The following CELF2 variants were observed in gnomAD, a reference collection of about 807,000 sequenced individuals.
CELF2 encodes the protein CUG triplet repeat RNA-binding protein 2.
Under a neutral mutation model 62.6 loss-of-function variants are expected in CELF2, and 8 were observed. That is an observed-to-expected ratio of 0.13 (90% CI 0.07 to 0.23). The LOEUF is 0.23. CELF2 is among the 10% of genes least tolerant of loss of function. The pLI is 1.00. For synonymous variants in CELF2, 258 were observed against 250.0 expected, an observed-to-expected ratio of 1.03 and a Z score of -0.30; for missense variants, 333 against 671.0, an observed-to-expected ratio of 0.50 and a Z score of 5.56.
chr10:10,484,356 A>G, the CELF2 span, among the ~76,000 whole-genome samples: 2 of 86,362 alleles, frequency 2.3e-5, no homozygotes, highest in Admixed American at 3.0e-4. Context: ...TCACTCTGTC[A>G]CCCAGGCTGG....
Position 11,175,243 on chromosome 10 carries a change from A to G in CELF2, c.271+9561A>G, listed in dbSNP as rs183125887. ...TGGAGGAGTTCCAAGGGAGAGCAGC[A>G]TGAATCGCAAAGGTCCGGGAAGGTG... On this transcript the variant is annotated intron_variant, in intron 2 of 12. Coordinates refer to ENST00000633077, the MANE Select transcript of CELF2 (RefSeq NM_001326342.2). 2.5e-3 allele frequency among the ~76,000 whole-genome samples: 384 copies of G among 152,308 alleles called. 13 individuals are homozygous for G. The highest frequency in any genetic ancestry group is 3.4e-3 in the Middle Eastern group (1 of 294).
At chr10:11,152,431 T>G (rs1278992628) in intron 1 of CELF2, among the ~76,000 whole-genome samples, 1 of 151,722 alleles carries the variant, frequency 6.6e-6, no homozygotes, top group East Asian at 1.9e-4. Context: ...AAAAATCTGG[T>G]GGGAAAGATT....
chr10:10,942,971 G>C (rs1305369073), intron 2 of CELF2, among the ~76,000 whole-genome samples: 2 of 152,176 alleles, frequency 1.3e-5, no homozygotes, highest in Non-Finnish European at 1.5e-5. Flanking sequence ...GGGAAGCTCA[G>C]GGCAGGACCC....
At chr10:10,546,477 A>G in the CELF2 span, among the ~76,000 whole-genome samples, 1 of 152,188 alleles carries the variant, frequency 6.6e-6, no homozygotes, top group Non-Finnish European at 1.5e-5. Context: ...ACAGTCAGGT[A>G]GATGAAACTT....
At chr10:10,492,456 A>G in the CELF2 span, among the ~76,000 whole-genome samples, 1 of 142,358 alleles carries the variant, frequency 7.0e-6, no homozygotes, top group Non-Finnish European at 1.5e-5. Context: ...AACTTAAAGT[A>G]TAATAAATAT....
chr10:10,590,702 T>C, the CELF2 span, among the ~76,000 whole-genome samples: 1 of 152,240 alleles, frequency 6.6e-6, no homozygotes, highest in Admixed American at 6.5e-5. Flanking sequence ...CTCAGTTTCA[T>C]GTTAGATCTA....
intron 1 of CELF2, among the ~76,000 whole-genome samples, chr10:10,890,532 G>A (rs1226052202): frequency 6.6e-6 from 1 of 152,236 alleles, no homozygotes; most frequent in Non-Finnish European, 1.5e-5. Flanking sequence ...GGACATGGAT[G>A]AAATTTAGGG....
chr10:11,119,864 T>TCTC (rs1399108400), intron 1 of CELF2, among the ~76,000 whole-genome samples: 12 of 112,176 alleles, frequency 1.1e-4, no homozygotes, highest in Non-Finnish European at 1.5e-4. Context: ...TGATTCCGCC[T>TCTC]CCCCCCCCCC....
intron 3 of CELF2, among the ~76,000 whole-genome samples, chr10:11,239,122 A>C (rs2136786071): frequency 6.6e-6 from 1 of 152,340 alleles, no homozygotes; most frequent in East Asian, 1.9e-4. Context: ...TCACCATAAC[A>C]GACTCCAAAT....
At chr10:11,175,960 C>A (rs1401534163) in intron 2 of CELF2, among the ~76,000 whole-genome samples, 2 of 152,156 alleles carry the variant, frequency 1.3e-5, no homozygotes, top group Non-Finnish European at 2.9e-5. Flanking sequence ...AAATGTAAAA[C>A]CAGTTTCGGG....
the CELF2 span, among the ~76,000 whole-genome samples, chr10:10,721,768 G>T: frequency 6.6e-6 from 1 of 152,088 alleles, no homozygotes; most frequent in Non-Finnish European, 1.5e-5. Context: ...CACATTGGGG[G>T]TCTATAGAAC....
At chr10:10,564,047 G>A in the CELF2 span, among the ~76,000 whole-genome samples, 4 of 152,178 alleles carry the variant, frequency 2.6e-5, no homozygotes, top group Non-Finnish European at 4.4e-5. Context: ...AGTATAACAT[G>A]TTAGGTTATT....
chr10:10,597,523 G>GA, the CELF2 span, among the ~76,000 whole-genome samples: 5 of 150,200 alleles, frequency 3.3e-5, no homozygotes, highest in African/African-American at 7.3e-5. Flanking sequence ...AATGTGGCAT[G>GA]AAAAAAAAAT....
At chr10:11,040,101 A>C (rs1003247333) in intron 1 of CELF2, among the ~76,000 whole-genome samples, 2 of 152,226 alleles carry the variant, frequency 1.3e-5, no homozygotes, top group African/African-American at 4.8e-5. Context: ...ATGGGACCAC[A>C]TGATTGTTGA....
chr10:10,981,112 T>C (rs569510197), intron 2 of CELF2, among the ~76,000 whole-genome samples: 1 of 152,342 alleles, frequency 6.6e-6, no homozygotes, highest in South Asian at 2.1e-4. Flanking sequence ...AGAGTCTATA[T>C]AGAGTAGGTG....
At chr10:11,184,851 C>A (rs2074405563) in intron 2 of CELF2, among the ~76,000 whole-genome samples, 1 of 152,182 alleles carries the variant, frequency 6.6e-6, no homozygotes, top group Non-Finnish European at 1.5e-5. Context: ...AGTTCTACTT[C>A]TTTTCCAATC....
chr10:11,268,298 G>A lies in CELF2; in HGVS notation c.618+1621G>A, dbSNP rs986314354. Among the ~76,000 whole-genome samples the A allele has an allele frequency of 2.6e-5, 4 of 152,056 alleles. No homozygotes were observed. Among genetic ancestry groups the A allele is most frequent in the Admixed American group, 6.5e-5 (1 of 15,282 alleles). On this transcript the variant is annotated intron_variant, in intron 6 of 12. Coordinates refer to ENST00000633077, the MANE Select transcript of CELF2 (RefSeq NM_001326342.2). The surrounding 1 kb of genome is among the most constrained non-coding windows in gnomAD (Gnocchi z 4.7). ...CGTTTCATTCTTATTTTTATTTCTT[G>A]TAATTTAGTGATGTGTACCCAAATT...
the CELF2 span, among the ~76,000 whole-genome samples, chr10:10,566,402 AT>A: frequency 0.26 from 37,569 of 142,284 alleles, 5,767 homozygotes; most frequent in African/African-American, 0.42. Flanking sequence ...GCACTTAGGG[AT>A]TTTTTTTTTT....
At chr10:10,661,167 C>T in the CELF2 span, among the ~76,000 whole-genome samples, 1 of 152,192 alleles carries the variant, frequency 6.6e-6, no homozygotes, top group African/African-American at 2.4e-5. Flanking sequence ...TGCCCCTTTC[C>T]AGCCATTTCC....
Sources: gnomAD v4.1 joint callset for allele counts (sites outside exome capture counted in the v4.1 genomes callset) on GRCh38, gnomAD v4.1.1 for gene constraint, Gnocchi (gnomAD v3.1) non-coding constraint, MANE v1.5 for transcripts, NCBI Gene and HGNC (gene_info 2026-07-23, HGNC 2026-07-21) for gene names.